PARP14: variants seen among roughly 807,000 people sequenced by gnomAD.
PARP14 encodes the protein protein mono-ADP-ribosyltransferase PARP14.
A neutral mutation model predicts 154.2 loss-of-function variants in PARP14; 59 were observed. That is an observed-to-expected ratio of 0.38 (90% CI 0.31 to 0.48). The LOEUF is 0.48. PARP14 is among the 20% of genes least tolerant of loss of function. PARP14 has a pLI of 0.98. For missense variants in PARP14, 1,734 were observed against 2,131.6 expected (o/e 0.81, Z 3.67); for synonymous variants, 720 against 780.5 (o/e 0.92, Z 1.29).
In PARP14 at chr3:122,700,025, C is replaced by T. The variant is rs771475423; in HGVS notation, c.1471C>T (p.Leu491Phe). The part of the protein sequence containing the change: ...LCHSSLLDHL[L>F]TECPEIEICY... Reference sequence around the variant, plus strand: ...TCACAGCAGTCTACTGGACCATTTACTCACGGAGTGCCCAGAGATAGAGAT... The same window carrying T: ...TCACAGCAGTCTACTGGACCATTTATTCACGGAGTGCCCAGAGATAGAGAT... The change falls in exon 6 of 17, where the codon CTC becomes TTC. Residue 491 changes from leucine to phenylalanine, a missense_variant. Physicochemically the swap from Leu to Phe is conservative, Grantham distance 22. Transcript: ENST00000474629. 9 of 1,613,848 alleles carry T rather than the reference C, an allele frequency of 5.6e-6. No individual in the cohort carries two copies. In the South Asian group the frequency reaches 9.9e-5, roughly 18 times the overall value.
At chr3:122,698,068 C>A (rs1357226957) in intron 5 of PARP14, among the ~76,000 whole-genome samples, 1 of 152,196 alleles carries the variant, frequency 6.6e-6, no homozygotes, top group East Asian at 1.9e-4. Context: ...GAGCCTGGTG[C>A]CTGATGGTGC....
At chr3:122,705,229 A>C (rs13081064) in intron 8 of PARP14, among the ~76,000 whole-genome samples, 13,320 of 152,322 alleles carry the variant, frequency 0.087, 682 homozygotes, top group East Asian at 0.13. Context: ...TAATTCCTTT[A>C]ACCAATTATC....
At position 122,701,149 on chromosome 3, in the gene PARP14, C is replaced by A; in HGVS notation, c.2595C>A (p.Thr865=). ...REGRLLPGNA[T]ISKAGKLPYH... ...GCAGACTCCTACCGGGCAATGCCAC[C>A]ATCTCCAAGGCAGGAAAGCTGCCCT... is the stretch of plus-strand genomic sequence containing the variant. Residue 865 remains threonine (T), a synonymous_variant, in exon 6 of 17, where the codon ACC becomes ACA. Coordinates refer to ENST00000474629, the MANE Select transcript of PARP14 (RefSeq NM_017554.3). This position sits in a 1 kb window ranked among gnomAD's most constrained non-coding sequence, Gnocchi z 4.0. 1 of 1,613,892 alleles carries A rather than the reference C, an allele frequency of 6.2e-7. No homozygotes were observed. The highest frequency in any genetic ancestry group is 8.5e-7 in the Non-Finnish European group (1 of 1,179,856).
intron 11 of PARP14, 54 bp downstream of exon 11, chr3:122,713,988 G>A: frequency 7.7e-7 from 1 of 1,295,512 alleles, no homozygotes; most frequent in East Asian, 2.3e-5. Flanking sequence ...GGAGGCTGTG[G>A]AGAGGCTGAG....
chr3:122,710,791 T>TTTTTTTTA (rs1939299001), intron 9 of PARP14, among the ~76,000 whole-genome samples: 3 of 140,084 alleles, frequency 2.1e-5, no homozygotes, highest in African/African-American at 7.9e-5. Flanking sequence ...TTCCTAGGTA[T>TTTTTTTTA]TTTATTTATT....
In PARP14 at chr3:122,704,686, C is replaced by A; in HGVS notation, c.3478C>A (p.Gln1160Lys). Residue 1160 changes from glutamine (Q) to lysine (K), a missense_variant, in exon 8 of 17, where the codon CAG becomes AAG. Physicochemically the swap from Gln to Lys is moderately conservative, Grantham distance 53 (BLOSUM62 1). This residue lies in a region of PARP14 where 1,646 missense variants were observed against 1,976.0 expected (regional missense o/e 0.83). Transcript: ENST00000474629. Reference protein sequence around the residue: ...SEVFKFSSKNQLKTLQEVHFL... With the variant: ...SEVFKFSSKNKLKTLQEVHFL... ...GGTGTTCAAATTTAGTAGCAAGAAT[C>A]AGCTGAAAACTTTACAAGAGGTTCA... 6.2e-7 allele frequency: 1 copy of A among 1,607,278 alleles called. No homozygotes were observed. The highest frequency in any genetic ancestry group is 1.1e-5 in the South Asian group (1 of 89,832).
At position 122,692,388 on chromosome 3, in the gene PARP14, C is replaced by A. The variant is rs772978257; in HGVS notation, c.443C>A (p.Ser148Tyr). 1.9e-6 allele frequency: 3 copies of A among 1,613,514 alleles called. No homozygotes were observed. The highest frequency in any genetic ancestry group is 2.2e-5 in the East Asian group (1 of 44,864). ...ATCCCAGAGGAATGTGAAAATATTT[C>A]CTCTTTGGTGGCATTTGAAAACCTC... ...EDIPEECENI[S>Y]SLVAFENLKA... Residue 148 changes from serine (S) to tyrosine (Y), a missense_variant, in exon 4 of 17, where the codon TCC becomes TAC. Transcript: ENST00000474629.
In PARP14 at chr3:122,730,360, G is replaced by A. The variant is rs1464663241; in HGVS notation, c.*1763G>A. ...TTACAGTCTCTTCATTGGAAGCTCT[G>A]TAGGCCAAGGCCAGAGCTGATACTG... On this transcript the variant is annotated 3_prime_UTR_variant, in exon 17 of 17. Transcript: ENST00000474629. 2.6e-5 allele frequency: 4 copies of A among 152,194 alleles called. No individual in the cohort carries two copies. Among genetic ancestry groups the A allele is most frequent in the African/African-American group, 4.8e-5 (2 of 41,426 alleles). 9.4% of individuals were successfully genotyped at this position (152,194 alleles called of 1,614,324 possible). A position where few individuals can be genotyped will look rare whatever the true frequency, so the allele number is the denominator to read the frequency against.
chr3:122,727,146 C>T (rs1332429238), intron 15 of PARP14, among the ~76,000 whole-genome samples: 1 of 152,084 alleles, frequency 6.6e-6, no homozygotes, highest in Non-Finnish European at 1.5e-5. Context: ...TTACCCACCC[C>T]TCGGTCTTCC....
At chr3:122,704,021 T>A (rs771331989) in intron 7 of PARP14, 43 bp downstream of exon 7, 23 of 1,372,690 alleles carry the variant, frequency 1.7e-5, no homozygotes, top group Non-Finnish European at 2.4e-5. Flanking sequence ...GGGTAGCCCT[T>A]TGGGTTCTCC....
At chr3:122,692,581 G>A in intron 4 of PARP14, 38 bp downstream of exon 4, 1 of 1,567,862 alleles carries the variant, frequency 6.4e-7, no homozygotes, top group South Asian at 1.2e-5. Context: ...TGTCTTCTTT[G>A]TACCACATCA....
rs1275486492 is a variant in PARP14 at position 122,713,866 on chromosome 3, A to G, written c.3770-6A>G. ...TGTTTGTTATCATCTTGATTTTCTC[A>G]TGTAGGGGTCTCCAAAGCAATTTTA... On this transcript the variant is annotated splice_region_variant and splice_polypyrimidine_tract_variant and intron_variant, in intron 10 of 16. Transcript: ENST00000474629. The G allele has an allele frequency of 1.3e-6, 2 of 1,599,104 alleles. No homozygotes were observed. Among genetic ancestry groups the G allele is most frequent in the Non-Finnish European group, 8.6e-7 (1 of 1,166,398 alleles).
intron 4 of PARP14, among the ~76,000 whole-genome samples, chr3:122,695,055 G>A (rs1262837645): frequency 6.6e-6 from 1 of 152,138 alleles, no homozygotes; most frequent in Non-Finnish European, 1.5e-5. Context: ...CATCACCAAG[G>A]GCATTGTACA....
chr3:122,699,132 C>T (rs1938868905), intron 5 of PARP14, among the ~76,000 whole-genome samples: 1 of 152,136 alleles, frequency 6.6e-6, no homozygotes, highest in South Asian at 2.1e-4. Flanking sequence ...TATTTGAGCA[C>T]TTTGAGAGTA....
chr3:122,683,917 C>T (rs1318026781), intron 1 of PARP14, among the ~76,000 whole-genome samples: 1 of 152,176 alleles, frequency 6.6e-6, no homozygotes, highest in African/African-American at 2.4e-5. Context: ...TGTCAGGCTG[C>T]AGGGGTCCTA....
At chr3:122,691,996 G>T (rs1938555955) in intron 3 of PARP14, among the ~76,000 whole-genome samples, 1 of 151,962 alleles carries the variant, frequency 6.6e-6, no homozygotes, top group South Asian at 2.1e-4. Flanking sequence ...TTCCACAGAG[G>T]TTAATATATG....
chr3:122,700,151 C>T lies in PARP14; in HGVS notation c.1597C>T (p.Gln533Ter), dbSNP rs1308475957. 1 of 1,613,294 alleles carries T rather than the reference C, an allele frequency of 6.2e-7. No individual in the cohort carries two copies. Among genetic ancestry groups the T allele is most frequent in the Non-Finnish European group, 8.5e-7 (1 of 1,179,596 alleles). ...EIQEKVYTMA[Q>*]KNIQVSPEIF... ...CCAGGAAAAGGTGTACACCATGGCT[C>T]AGAAAAACATTCAGGTTTCTCCTGA... is the stretch of plus-strand genomic sequence containing the variant. Residue 533 changes from glutamine (Q) to a stop codon, truncating the protein, a stop_gained, in exon 6 of 17, where the codon CAG (glutamine) becomes TAG (stop). Coordinates refer to ENST00000474629, the MANE Select transcript of PARP14 (RefSeq NM_017554.3). LOFTEE classifies it high-confidence loss of function.
chr3:122,699,902 A>G lies in PARP14; in HGVS notation c.1348A>G (p.Arg450Gly), dbSNP rs1255949541. The G allele has an allele frequency of 6.2e-7, 1 of 1,614,034 alleles. No individual in the cohort carries two copies. The highest frequency in any genetic ancestry group is 2.2e-5 in the East Asian group (1 of 44,888). Residue 450 changes from arginine (R) to glycine (G), a missense_variant, in exon 6 of 17, where the codon AGG (arginine) becomes GGG (glycine). This residue lies in a region of PARP14 where 1,646 missense variants were observed against 1,976.0 expected (regional missense o/e 0.83). Transcript: ENST00000474629. ...TGTCCAAAGCATTGAGGTACAAGTC[A>G]GGGAGTTAATAGAAAGCACTACTCA... ...EDVQSIEVQV[R>G]ELIESTTQKI...
At chr3:122,705,356 C>T (rs900459378) in intron 8 of PARP14, among the ~76,000 whole-genome samples, 6 of 152,144 alleles carry the variant, frequency 3.9e-5, no homozygotes, top group Non-Finnish European at 8.8e-5. Context: ...TAGGATTTCC[C>T]TCCATATGGA....
Sources: gnomAD v4.1 joint callset for allele counts (sites outside exome capture counted in the v4.1 genomes callset) on GRCh38, gnomAD v4.1.1 for gene constraint, gnomAD v4.1.1 regional missense constraint, Gnocchi (gnomAD v3.1) non-coding constraint, MANE v1.5 for transcripts, NCBI Gene and HGNC (gene_info 2026-07-23, HGNC 2026-07-21) for gene names.